AK4: variants seen among roughly 807,000 people sequenced by gnomAD.
AK4 encodes the protein adenylate kinase 4, also known as adenylate kinase 4, mitochondrial.
Under a neutral mutation model 24.6 loss-of-function variants are expected in AK4, and 13 were observed. The ratio of observed to expected loss-of-function variants is 0.53; its 90% CI spans 0.34 to 0.84. The LOEUF (loss-of-function observed/expected upper bound fraction) is 0.84, where lower values mean the gene tolerates loss of function less well. Ranked by LOEUF, AK4 falls within the 40% of genes least tolerant of loss-of-function variation. AK4 has a pLI of 0.01. For missense variants in AK4, 192 were observed against 288.2 expected, an observed-to-expected ratio of 0.67 and a Z score of 2.42; for synonymous variants, 88 against 107.0, an observed-to-expected ratio of 0.82 and a Z score of 1.10.
chr1:65,193,893 G>A (rs1454542019), intron 2 of AK4, among the ~76,000 whole-genome samples: 1 of 152,222 alleles, frequency 6.6e-6, no homozygotes, highest in African/African-American at 2.4e-5. Context: ...GATCACTTGA[G>A]GCCAGGAGAC....
Position 65,206,951 on chromosome 1 carries a change from T to C in AK4, c.266-11803T>C, listed in dbSNP as rs563172623. ...AACAAGGGTTATAAGGTAACAGTTT[T>C]ATCTGTGTCTTTATTCAGGAAAAAT... On this transcript the variant is annotated intron_variant, in intron 2 of 4. Transcript: ENST00000327299. Among the ~76,000 whole-genome samples, 42 of 152,368 alleles carry C rather than the reference T, an allele frequency of 2.8e-4. No homozygotes were observed. The Middle Eastern group carries it at 0.01, about 37-fold the overall frequency.
chr1:65,171,303 CTTTTTTTTTTTTT>C (rs56094715), intron 1 of AK4, among the ~76,000 whole-genome samples: 13 of 58,286 alleles, frequency 2.2e-4, no homozygotes, highest in African/African-American at 1.0e-3. Context: ...GAAATAGTTG[CTTTTTTTTTTTTT>C]TTTTTTTTGA....
At chr1:65,187,401 A>C (rs962219784) in intron 1 of AK4, among the ~76,000 whole-genome samples, 3 of 151,514 alleles carry the variant, frequency 2.0e-5, no homozygotes, top group African/African-American at 7.3e-5. Context: ...CTACAGACAG[A>C]AAGATTGGTA....
intron 1 of AK4, among the ~76,000 whole-genome samples, chr1:65,159,189 G>A (rs1650074076): frequency 6.6e-6 from 1 of 152,100 alleles, no homozygotes; most frequent in Admixed American, 6.6e-5. Flanking sequence ...TGTAACCCTG[G>A]CATTTTATAA....
At chr1:65,165,299 C>T (rs1483230373) in intron 1 of AK4, among the ~76,000 whole-genome samples, 1 of 151,942 alleles carries the variant, frequency 6.6e-6, no homozygotes, top group Non-Finnish European at 1.5e-5. Context: ...TAGAACCGAG[C>T]CTTGAAGGAT....
At chr1:65,169,168 G>A (rs1466964047) in intron 1 of AK4, among the ~76,000 whole-genome samples, 1 of 135,460 alleles carries the variant, frequency 7.4e-6, no homozygotes, top group Non-Finnish European at 1.5e-5. Flanking sequence ...AGAATGAGAC[G>A]CTGTCTCAAA....
At chr1:65,189,403 C>T (rs1399633541) in intron 1 of AK4, among the ~76,000 whole-genome samples, 1 of 151,540 alleles carries the variant, frequency 6.6e-6, no homozygotes, top group East Asian at 1.9e-4. Flanking sequence ...CTCAGCCTCC[C>T]GAGTAGCTGG....
At chr1:65,155,984 T>G (rs1159720103) in intron 1 of AK4, among the ~76,000 whole-genome samples, 1 of 152,214 alleles carries the variant, frequency 6.6e-6, no homozygotes, top group Non-Finnish European at 1.5e-5. Context: ...ACATAGATTT[T>G]GAGTTACATT....
intron 1 of AK4, among the ~76,000 whole-genome samples, chr1:65,180,686 T>A (rs1650872580): frequency 6.6e-6 from 1 of 152,220 alleles, no homozygotes; most frequent in Admixed American, 6.5e-5. Flanking sequence ...CCAAAGTAGT[T>A]ATTTCTACTT....
In AK4 at chr1:65,226,105, C is replaced by T. The variant is rs1652449662; in HGVS notation, c.600C>T (p.Asn200=). ...VLHQFSGTET[N]KIWPYVYTLF... is the part of the protein sequence containing the mutation. ...ACCAATTTTCCGGAACGGAGACGAA[C>T]AAAATCTGGCCCTACGTTTACACAC... Residue 200 remains asparagine, a synonymous_variant, in exon 5 of 5, where the codon AAC becomes AAT. Coordinates refer to ENST00000327299, the MANE Select transcript of AK4 (RefSeq NM_013410.4). 1.9e-6 allele frequency: 3 copies of T among 1,611,658 alleles called. No homozygotes were observed. The highest frequency in any genetic ancestry group is 2.5e-6 in the Non-Finnish European group (3 of 1,179,754).
At chr1:65,195,190 AC>A (rs1351945426) in intron 2 of AK4, among the ~76,000 whole-genome samples, 1 of 152,116 alleles carries the variant, frequency 6.6e-6, no homozygotes, top group Non-Finnish European at 1.5e-5. Flanking sequence ...GGTTAAACTT[AC>A]GCTTTTATCA....
Position 65,153,522 on chromosome 1 carries a change from C to T in AK4, c.145+4970C>T, listed in dbSNP as rs1003015903. On this transcript the variant is annotated intron_variant, in intron 1 of 4. Transcript: ENST00000327299. Reference sequence around the variant, plus strand: ...CTTAGTTCAGGCAGTCTGCCCGCCTCGGCCTCCCAAAATGCTGAGATTACA... The same window carrying T: ...CTTAGTTCAGGCAGTCTGCCCGCCTTGGCCTCCCAAAATGCTGAGATTACA... 1.1e-4 allele frequency among the ~76,000 whole-genome samples: 17 copies of T among 152,190 alleles called. No homozygotes were observed. The East Asian group carries it at 2.7e-3, about 24-fold the overall frequency.
intron 3 of AK4, among the ~76,000 whole-genome samples, chr1:65,224,001 T>C (rs1220935918): frequency 6.6e-6 from 1 of 151,948 alleles, no homozygotes. Context: ...TTAAAATAAA[T>C]AAATAAATAA....
intron 1 of AK4, among the ~76,000 whole-genome samples, chr1:65,189,287 CTTTT>C (rs11373489): frequency 7.5e-6 from 1 of 132,542 alleles, no homozygotes. Context: ...GATTCTCTCT[CTTTT>C]TTTTTTTTTT....
intron 2 of AK4, among the ~76,000 whole-genome samples, chr1:65,200,926 C>G (rs1651644763): frequency 6.6e-6 from 1 of 152,126 alleles, no homozygotes; most frequent in Non-Finnish European, 1.5e-5. Flanking sequence ...TCCCAAGTAG[C>G]TGGGACTACA....
At chr1:65,213,409 A>G (rs1392707343) in intron 2 of AK4, among the ~76,000 whole-genome samples, 1 of 152,116 alleles carries the variant, frequency 6.6e-6, no homozygotes, top group Admixed American at 6.5e-5. Flanking sequence ...GCTGGGGTTG[A>G]GCTCCCTGTG....
At chr1:65,219,468 CA>C (rs1322142820) in intron 3 of AK4, among the ~76,000 whole-genome samples, 1 of 151,736 alleles carries the variant, frequency 6.6e-6, no homozygotes, top group East Asian at 1.9e-4. Context: ...AAAACAAAAC[CA>C]AAAAAATCTC....
At chr1:65,191,603 T>G (rs1279989291) in intron 2 of AK4, among the ~76,000 whole-genome samples, 3 of 151,522 alleles carry the variant, frequency 2.0e-5, no homozygotes, top group African/African-American at 7.3e-5. Flanking sequence ...ATGAGTTATC[T>G]TAGTATTTTT....
intron 1 of AK4, among the ~76,000 whole-genome samples, chr1:65,177,880 T>A (rs1022167580): frequency 1.3e-5 from 2 of 152,078 alleles, no homozygotes; most frequent in African/African-American, 4.8e-5. Context: ...TTTGCTTAAT[T>A]CAGTAATTTT....
Sources: gnomAD v4.1 joint callset for allele counts (sites outside exome capture counted in the v4.1 genomes callset) on GRCh38, gnomAD v4.1.1 for gene constraint, MANE v1.5 for transcripts, NCBI Gene and HGNC (gene_info 2026-07-23, HGNC 2026-07-21) for gene names.